ENTREP2: variants seen among roughly 807,000 people sequenced by gnomAD.
ENTREP2 encodes the protein protein ENTREP2.
the ENTREP2 span, among the ~76,000 whole-genome samples, chr15:29,254,590 GGCTCAT>G: frequency 0.038 from 5,770 of 152,200 alleles, 365 homozygotes; most frequent in African/African-American, 0.13. Context: ...CAGGCGCAGT[GGCTCAT>G]GCCTGTAATC....
chr15:29,568,450 G>C, the ENTREP2 span, among the ~76,000 whole-genome samples: 1 of 152,144 alleles, frequency 6.6e-6, no homozygotes, highest in Non-Finnish European at 1.5e-5. Context: ...TCAGTGCTTT[G>C]GGAGGCTGAG....
the ENTREP2 span, among the ~76,000 whole-genome samples, chr15:29,333,299 G>C: frequency 6.6e-6 from 1 of 152,156 alleles, no homozygotes; most frequent in Non-Finnish European, 1.5e-5. Flanking sequence ...TGCCACCTCT[G>C]ACCTCTGAGC....
At chr15:29,232,467 CT>C in the ENTREP2 span, among the ~76,000 whole-genome samples, 67 of 143,668 alleles carry the variant, frequency 4.7e-4, no homozygotes, top group Admixed American at 7.7e-4. Flanking sequence ...CATCTGCCTT[CT>C]TTTTTTTTTT....
At chr15:29,604,278 C>G in the ENTREP2 span, among the ~76,000 whole-genome samples, 7 of 152,126 alleles carry the variant, frequency 4.6e-5, no homozygotes, top group Admixed American at 3.3e-4. Context: ...ATTTTTTAGA[C>G]CAAATAACAT....
the ENTREP2 span, chr15:29,381,631 A>T: frequency 3.0e-6 from 2 of 677,276 alleles, no homozygotes; most frequent in Non-Finnish European, 2.5e-6. Flanking sequence ...GCCCATCAGC[A>T]TTCAGCAGTG....
chr15:29,215,962 G>T, the ENTREP2 span, among the ~76,000 whole-genome samples: 1 of 152,160 alleles, frequency 6.6e-6, no homozygotes, highest in Non-Finnish European at 1.5e-5. Context: ...TGTTAGTATT[G>T]AGATGTGAGG....
At chr15:29,553,807 G>A in the ENTREP2 span, among the ~76,000 whole-genome samples, 1 of 152,192 alleles carries the variant, frequency 6.6e-6, no homozygotes, top group Non-Finnish European at 1.5e-5. Flanking sequence ...TGAGTGGGAC[G>A]TCTGGGATGT....
chr15:29,155,348 A>G, the ENTREP2 span, among the ~76,000 whole-genome samples: 1 of 151,936 alleles, frequency 6.6e-6, no homozygotes, highest in Non-Finnish European at 1.5e-5. Flanking sequence ...GTTTAGGGCT[A>G]ACTATTCCCC....
At chr15:29,598,967 A>G in the ENTREP2 span, among the ~76,000 whole-genome samples, 1 of 152,212 alleles carries the variant, frequency 6.6e-6, no homozygotes, top group Admixed American at 6.5e-5. Flanking sequence ...AAGTGCTGGG[A>G]TTACAGGCAT....
chr15:29,547,860 T>C, the ENTREP2 span, among the ~76,000 whole-genome samples: 1 of 152,122 alleles, frequency 6.6e-6, no homozygotes, highest in Admixed American at 6.5e-5. Context: ...GTTAGATGAA[T>C]AAATAAAATG....
At chr15:29,381,289 T>C in the ENTREP2 span, among the ~76,000 whole-genome samples, 1 of 150,310 alleles carries the variant, frequency 6.7e-6, no homozygotes, top group Admixed American at 6.6e-5. Context: ...ACCCCATCTC[T>C]ACTAAAAACA....
the ENTREP2 span, among the ~76,000 whole-genome samples, chr15:29,215,288 G>A: frequency 6.6e-6 from 1 of 152,282 alleles, no homozygotes; most frequent in East Asian, 1.9e-4. Context: ...TAGCATTTGA[G>A]TCAGTGGGCT....
the ENTREP2 span, among the ~76,000 whole-genome samples, chr15:29,624,044 C>G: frequency 6.6e-6 from 1 of 152,182 alleles, no homozygotes; most frequent in Admixed American, 6.5e-5. Context: ...GGCTTCCAGT[C>G]CCTTCTTTTG....
At chr15:29,398,920 C>G in the ENTREP2 span, among the ~76,000 whole-genome samples, 1 of 151,946 alleles carries the variant, frequency 6.6e-6, no homozygotes. Flanking sequence ...GGTCCCAAAT[C>G]AGTTTGCTGT....
At chr15:29,235,104 A>G in the ENTREP2 span, 1 of 1,064,732 alleles carries the variant, frequency 9.4e-7, no homozygotes, top group Non-Finnish European at 1.5e-6. Flanking sequence ...CTCATGTCCC[A>G]CAACAGATGT....
At chr15:29,250,804 G>C in the ENTREP2 span, among the ~76,000 whole-genome samples, 1 of 152,204 alleles carries the variant, frequency 6.6e-6, no homozygotes, top group Non-Finnish European at 1.5e-5. Flanking sequence ...CTTTCAGATG[G>C]AGATGGGGAT....
the ENTREP2 span, among the ~76,000 whole-genome samples, chr15:29,228,176 G>A: frequency 8.8e-4 from 134 of 152,132 alleles, no homozygotes; most frequent in Non-Finnish European, 1.6e-3. Context: ...AAAATTAGCT[G>A]GGCATGGTGG....
the ENTREP2 span, among the ~76,000 whole-genome samples, chr15:29,431,167 C>T: frequency 6.6e-6 from 1 of 152,102 alleles, no homozygotes; most frequent in African/African-American, 2.4e-5. Context: ...CTAAGGATAC[C>T]AGTGGCCGGG....
the ENTREP2 span, among the ~76,000 whole-genome samples, chr15:29,236,499 A>T: frequency 6.6e-6 from 1 of 151,896 alleles, no homozygotes; most frequent in Non-Finnish European, 1.5e-5. Flanking sequence ...AAAAAAAAAA[A>T]GTAGCCAGGC....
Sources: allele counts gnomAD v4.1 joint callset (sites outside exome capture counted in the v4.1 genomes callset), GRCh38; gene constraint gnomAD v4.1.1; transcripts MANE v1.5; gene names NCBI Gene and HGNC (gene_info 2026-07-23, HGNC 2026-07-21).